The following CD80 variants were observed in gnomAD, a reference collection of about 807,000 sequenced individuals.
The protein encoded by CD80 is T-lymphocyte activation antigen CD80.
A neutral mutation model predicts 27.1 loss-of-function variants in CD80; 13 were observed. That is an observed-to-expected ratio of 0.48 (90% confidence interval 0.31 to 0.76). The LOEUF (loss-of-function observed/expected upper bound fraction) is 0.76, where lower values mean the gene tolerates loss of function less well. Ranked by LOEUF, CD80 falls within the 30% of genes least tolerant of loss-of-function variation. The pLI is 0.04. For missense variants in CD80, 277 were observed against 347.9 expected (o/e 0.80, Z 1.62); for synonymous variants, 125 against 125.5 (o/e 1.00, Z 0.03).
chr3:119,529,377 C>G (rs2082097220), intron 5 of CD80, among the ~76,000 whole-genome samples: 1 of 152,050 alleles, frequency 6.6e-6, no homozygotes. Flanking sequence ...TCTCTAACTC[C>G]AAATCAAAAT....
intron 2 of CD80, among the ~76,000 whole-genome samples, chr3:119,550,951 T>C (rs373384425): frequency 4.6e-5 from 7 of 152,324 alleles, no homozygotes; most frequent in East Asian, 1.9e-4. Context: ...TCCATCCTGC[T>C]ACTCTTTAGT....
At chr3:119,528,392 CA>C (rs2082090351) in intron 5 of CD80, among the ~76,000 whole-genome samples, 2 of 152,136 alleles carry the variant, frequency 1.3e-5, no homozygotes, top group African/African-American at 4.8e-5. Flanking sequence ...GATTTCTACT[CA>C]AAGAAGGGTT....
chr3:119,530,566 T>C (rs2107739786), intron 4 of CD80, among the ~76,000 whole-genome samples: 1 of 152,214 alleles, frequency 6.6e-6, no homozygotes, highest in African/African-American at 2.4e-5. Flanking sequence ...TCAGCTGTAG[T>C]TTCAGTCCCA....
chr3:119,530,757 T>C (rs962479791), intron 4 of CD80, among the ~76,000 whole-genome samples: 4 of 152,256 alleles, frequency 2.6e-5, no homozygotes, highest in East Asian at 1.9e-4. Context: ...TTATAGCAGC[T>C]CATTTTCTGG....
intron 2 of CD80, among the ~76,000 whole-genome samples, chr3:119,554,413 C>T (rs555696797): frequency 1.2e-3 from 188 of 152,324 alleles, no homozygotes; most frequent in Non-Finnish European, 2.3e-3. Flanking sequence ...AGGACTCCAG[C>T]TCTGAAGGAA....
intron 3 of CD80, among the ~76,000 whole-genome samples, chr3:119,543,664 T>C (rs2082183975): frequency 6.6e-6 from 1 of 152,074 alleles, no homozygotes. Context: ...GGTCTCAAAC[T>C]CCTGAGCTCA....
At chr3:119,557,596 G>A in intron 2 of CD80, 33 bp downstream of exon 2, 1 of 1,482,274 alleles carries the variant, frequency 6.7e-7, no homozygotes, top group Non-Finnish European at 9.4e-7. Flanking sequence ...CCCTGTAGCA[G>A]TTGACTCAGT....
chr3:119,529,824 T>C lies in CD80; in HGVS notation c.796+18A>G, dbSNP rs780148978. The C allele has an allele frequency of 2.7e-6, 4 of 1,480,416 alleles. No individual in the cohort carries two copies. The East Asian group carries it at 6.8e-5, about 25-fold the overall frequency. The allele number at this position is 1,480,416 out of a possible 1,614,324, so 91.7% of individuals were successfully genotyped here. ...TCTTCCAGAATTGAGATCAGGATGA[T>C]GGTATGATAGTACTTACAGTAGGTC... is the stretch of plus-strand genomic sequence containing the variant. On this transcript the variant is annotated intron_variant, in intron 5 of 6. Coordinates refer to ENST00000264246, the MANE Select transcript of CD80 (RefSeq NM_005191.4).
chr3:119,535,425 T>A (rs1272809270), intron 4 of CD80, among the ~76,000 whole-genome samples: 1 of 152,092 alleles, frequency 6.6e-6, no homozygotes, highest in Admixed American at 6.6e-5. Context: ...TCCTTGGGAG[T>A]GGGGCTAGGG....
intron 1 of CD80, among the ~76,000 whole-genome samples, chr3:119,558,451 GA>G (rs1430441913): frequency 6.6e-6 from 1 of 152,184 alleles, no homozygotes; most frequent in Non-Finnish European, 1.5e-5. Context: ...AGACACTGCA[GA>G]CGTTACTTAT....
At chr3:119,552,942 A>T (rs933914596) in intron 2 of CD80, among the ~76,000 whole-genome samples, 10 of 152,042 alleles carry the variant, frequency 6.6e-5, no homozygotes, top group Non-Finnish European at 1.0e-4. Flanking sequence ...AGTGGTTACG[A>T]GGAGATGGGG....
At chr3:119,552,464 A>T (rs2082238307) in intron 2 of CD80, among the ~76,000 whole-genome samples, 1 of 141,066 alleles carries the variant, frequency 7.1e-6, no homozygotes, top group Non-Finnish European at 1.5e-5. Context: ...TGTGAGCCAG[A>T]GATTGTGCCA....
At chr3:119,529,751 A>C in intron 5 of CD80, 91 bp downstream of exon 5, 1 of 839,736 alleles carries the variant, frequency 1.2e-6, no homozygotes, top group Non-Finnish European at 2.0e-6. Context: ...TGAGAAGCGA[A>C]TAGGCTAAAA....
chr3:119,527,294 G>C (rs190700434), intron 6 of CD80, among the ~76,000 whole-genome samples: 129 of 152,202 alleles, frequency 8.5e-4, no homozygotes, highest in African/African-American at 3.0e-3. Flanking sequence ...GTGAAATTTG[G>C]CTCCATGATT....
intron 4 of CD80, among the ~76,000 whole-genome samples, chr3:119,533,535 C>A (rs1011873973): frequency 1.3e-5 from 2 of 151,892 alleles, no homozygotes; most frequent in African/African-American, 4.8e-5. Context: ...TGGGAGGTGA[C>A]TGAATTATGG....
intron 5 of CD80, among the ~76,000 whole-genome samples, 189 bp downstream of exon 5, chr3:119,529,653 A>T (rs1221671196): frequency 2.0e-5 from 3 of 152,158 alleles, no homozygotes; most frequent in African/African-American, 7.2e-5. Flanking sequence ...CACACGTAGG[A>T]GGTGTCCGGA....
At chr3:119,540,748 G>A (rs143290811) in intron 3 of CD80, among the ~76,000 whole-genome samples, 1 of 152,232 alleles carries the variant, frequency 6.6e-6, no homozygotes, top group Non-Finnish European at 1.5e-5. Flanking sequence ...ACCAGGAACT[G>A]TATTAAAAAT....
In CD80 at chr3:119,557,799, G is replaced by A; in HGVS notation, c.-71C>T. The A allele has an allele frequency of 9.6e-7, 1 of 1,036,894 alleles. No homozygotes were observed. The highest frequency in any genetic ancestry group is 1.5e-5 in the South Asian group (1 of 65,070). 64.2% of individuals were successfully genotyped at this position (1,036,894 alleles called of 1,614,324 possible). A position where few individuals can be genotyped will look rare whatever the true frequency, so the allele number is the denominator to read the frequency against. On this transcript the variant is annotated 5_prime_UTR_variant, in exon 2 of 7. Coordinates refer to ENST00000264246, the MANE Select transcript of CD80 (RefSeq NM_005191.4). ...CCAAGTAAGACCAGGGCACTTCCCA[G>A]GTGCAAAACAGGCAGGGCTGATGAC... is the stretch of plus-strand genomic sequence containing the variant.
At chr3:119,538,048 C>T (rs1441046074) in intron 3 of CD80, among the ~76,000 whole-genome samples, 1 of 152,170 alleles carries the variant, frequency 6.6e-6, no homozygotes, top group Non-Finnish European at 1.5e-5. Context: ...ACAACGTTTA[C>T]TGAACTCTTG....
Sources: allele counts gnomAD v4.1 joint callset (sites outside exome capture counted in the v4.1 genomes callset), GRCh38; gene constraint gnomAD v4.1.1; transcripts MANE v1.5; gene names NCBI Gene and HGNC (gene_info 2026-07-23, HGNC 2026-07-21).